Variants in SHANK2 observed in about 807,000 individuals in gnomAD.
The protein encoded by SHANK2 is SH3 and multiple ankyrin repeat domains protein 2.
A neutral mutation model predicts 133.7 loss-of-function variants in SHANK2; 43 were observed. That is an observed-to-expected ratio of 0.32 (90% CI 0.25 to 0.41). The LOEUF (loss-of-function observed/expected upper bound fraction) is 0.41. SHANK2 is among the 10% of genes least tolerant of loss of function. The probability of loss-of-function intolerance (pLI) is 1.00; values close to 1 mark genes in which losing one functional copy is unlikely to be tolerated. For synonymous variants in SHANK2, 1,017 were observed against 952.8 expected (o/e 1.07, Z -1.24); for missense variants, 1,994 against 2,235.8 (o/e 0.89, Z 2.18).
At position 70,716,571 on chromosome 11, in the gene SHANK2, T is replaced by C. The variant is rs76546379; in HGVS notation, c.1778-17808A>G. Among the ~76,000 whole-genome samples, 4 of 152,224 alleles carry C rather than the reference T, an allele frequency of 2.6e-5. No individual in the cohort carries two copies. In the East Asian group the frequency reaches 7.7e-4, roughly 29 times the overall value. On this transcript the variant is annotated intron_variant, in intron 14 of 25. Transcript: ENST00000601538. The stretch of plus-strand genomic sequence containing the variant: ...GACCCATCTCCATCAGGGTGCCTTC[T>C]TGGGGAGGATGAGGTGGGTCCCACT...
rs1954738564 is a variant in SHANK2, at chr11:71,231,372, A to G, written c.-112-6576T>C. Among the ~76,000 whole-genome samples the G allele has an allele frequency of 5.3e-5, 8 of 152,250 alleles. No homozygotes were observed. The South Asian group carries it at 1.7e-3, about 32-fold the overall frequency. On this transcript the variant is annotated intron_variant, in intron 1 of 25. Coordinates refer to ENST00000601538, the MANE Select transcript of SHANK2 (RefSeq NM_012309.5). ...ATAAAACAAATATGACCATACACCT[A>G]TCAAAACAGCTAGAATGAAAAATGG...
chr11:70,692,996 G>A (rs1555021420), intron 15 of SHANK2, among the ~76,000 whole-genome samples: 1 of 152,184 alleles, frequency 6.6e-6, no homozygotes, highest in African/African-American at 2.4e-5. Flanking sequence ...GCCTCTGGGA[G>A]CTCCTCCCGG....
Position 71,095,950 on chromosome 11 carries a change from A to G in SHANK2, c.593-1262T>C, listed in dbSNP as rs1951604518. Among the ~76,000 whole-genome samples, 13 of 136,366 alleles carry G rather than the reference A, an allele frequency of 9.5e-5. 1 individual carries two copies. Among genetic ancestry groups the G allele is most frequent in the Admixed American group, 9.3e-4 (13 of 13,980 alleles). 89.5% of individuals were successfully genotyped at this position (136,366 alleles called of 152,430 possible). On this transcript the variant is annotated intron_variant, in intron 6 of 25. Transcript: ENST00000601538. ...TGTGTGTAGACATGCCAACATCTTC[A>G]TTCATCCTGTCTCCATGTGAAAAGC...
intron 14 of SHANK2, among the ~76,000 whole-genome samples, chr11:70,791,789 G>A (rs1356536175): frequency 2.6e-5 from 4 of 152,110 alleles, no homozygotes; most frequent in African/African-American, 7.2e-5. Context: ...ACAAATAATG[G>A]GTCATAGTCC....
At chr11:70,840,626 C>T (rs898864630) in intron 11 of SHANK2, among the ~76,000 whole-genome samples, 18 of 152,200 alleles carry the variant, frequency 1.2e-4, no homozygotes, top group African/African-American at 3.9e-4. Flanking sequence ...GGGCACACAG[C>T]GGCAGCCACA....
chr11:70,648,203 C>T (rs1246762435), intron 17 of SHANK2, among the ~76,000 whole-genome samples: 5 of 152,108 alleles, frequency 3.3e-5, no homozygotes, highest in Admixed American at 2.6e-4. Context: ...AACAGGCAGA[C>T]CCAAGACCCA....
At chr11:71,221,933 T>G (rs1469770738) in intron 2 of SHANK2, among the ~76,000 whole-genome samples, 2 of 152,080 alleles carry the variant, frequency 1.3e-5, no homozygotes, top group African/African-American at 4.8e-5. Flanking sequence ...GGAGAGCCAC[T>G]GAGGAGTAGG....
chr11:70,759,641 C>T (rs971181975), intron 14 of SHANK2, among the ~76,000 whole-genome samples: 1 of 152,120 alleles, frequency 6.6e-6, no homozygotes, highest in Non-Finnish European at 1.5e-5. Context: ...CTCCTGGTGG[C>T]AATAAGAGAC....
chr11:70,509,169 C>T (rs782807831), intron 17 of SHANK2, among the ~76,000 whole-genome samples: 1 of 152,216 alleles, frequency 6.6e-6, no homozygotes, highest in Non-Finnish European at 1.5e-5. Context: ...TGTGCCTTGC[C>T]CGGCCTTCTT....
In SHANK2 at chr11:71,094,198, T is replaced by C. The variant is rs202075536; in HGVS notation, c.744+339A>G. Among the ~76,000 whole-genome samples the C allele has an allele frequency of 3.3e-4, 51 of 152,268 alleles. 1 individual carries two copies. The East Asian group carries it at 9.7e-3, about 29-fold the overall frequency. ...TGGCTTAACACCACCCACTCAGCGCTGCTCTCATGATCATGAGTGAGTCTT... is the reference window on the plus strand; with the variant it reads ...TGGCTTAACACCACCCACTCAGCGCCGCTCTCATGATCATGAGTGAGTCTT... On this transcript the variant is annotated intron_variant, in intron 7 of 25. Coordinates refer to ENST00000601538, the MANE Select transcript of SHANK2 (RefSeq NM_012309.5).
At chr11:71,059,110 G>C (rs981500543) in intron 9 of SHANK2, among the ~76,000 whole-genome samples, 1 of 152,180 alleles carries the variant, frequency 6.6e-6, no homozygotes, top group Admixed American at 6.5e-5. Context: ...CCAGCTACTC[G>C]GGAGGCTGAG....
chr11:71,143,563 G>T (rs1952593909), intron 3 of SHANK2, among the ~76,000 whole-genome samples: 1 of 152,104 alleles, frequency 6.6e-6, no homozygotes, highest in South Asian at 2.1e-4. Context: ...TGTGCTTTTT[G>T]TTGGTGATTT....
At chr11:71,085,597 T>TA (rs1176289193) in intron 8 of SHANK2, among the ~76,000 whole-genome samples, 5 of 85,254 alleles carry the variant, frequency 5.9e-5, no homozygotes, top group East Asian at 3.3e-4. Context: ...TTATATAATA[T>TA]ATATATTAAA....
At chr11:71,170,896 G>A (rs1953300482) in intron 2 of SHANK2, among the ~76,000 whole-genome samples, 1 of 152,234 alleles carries the variant, frequency 6.6e-6, no homozygotes, top group Non-Finnish European at 1.5e-5. Flanking sequence ...TCGCTGGCAG[G>A]GGGTGCATTA....
chr11:71,168,074 G>A (rs574079511), intron 2 of SHANK2, among the ~76,000 whole-genome samples: 2 of 142,450 alleles, frequency 1.4e-5, no homozygotes, highest in Admixed American at 6.8e-5. Context: ...CAGACGGGGC[G>A]GTTGCCGGGC....
chr11:71,153,066 G>A (rs1380260950), intron 2 of SHANK2, among the ~76,000 whole-genome samples: 2 of 152,272 alleles, frequency 1.3e-5, no homozygotes, highest in African/African-American at 4.8e-5. Context: ...GATGCGCTGC[G>A]TTTTATCTGG....
intron 11 of SHANK2, among the ~76,000 whole-genome samples, chr11:70,846,595 C>G (rs1949000696): frequency 6.6e-6 from 1 of 152,194 alleles, no homozygotes; most frequent in Non-Finnish European, 1.5e-5. Context: ...CTGGGAAGCA[C>G]AGGTCAACTG....
chr11:70,552,326 C>G (rs1312075945), intron 17 of SHANK2, among the ~76,000 whole-genome samples: 1 of 152,136 alleles, frequency 6.6e-6, no homozygotes, highest in East Asian at 1.9e-4. Context: ...GGCCAAGCCT[C>G]GGGAGGTTGG....
At chr11:70,699,846 T>C (rs1390692357) in intron 14 of SHANK2, among the ~76,000 whole-genome samples, 1 of 152,140 alleles carries the variant, frequency 6.6e-6, no homozygotes, top group Non-Finnish European at 1.5e-5. Flanking sequence ...TTTCCCAGCC[T>C]CCCTTGAACC....
Sources: gnomAD v4.1 joint callset for allele counts (sites outside exome capture counted in the v4.1 genomes callset) on GRCh38, gnomAD v4.1.1 for gene constraint, MANE v1.5 for transcripts, NCBI Gene and HGNC (gene_info 2026-07-23, HGNC 2026-07-21) for gene names.